The following NAV2 variants were observed in gnomAD, a reference collection of about 807,000 sequenced individuals.
NAV2 encodes neuron navigator 2, also known as helicase, APC down-regulated 1.
A neutral mutation model predicts 223.2 loss-of-function variants in NAV2; 54 were observed. The observed-to-expected ratio is 0.24, with a 90% confidence interval of 0.19 to 0.30. The LOEUF is 0.30. Ranked by LOEUF, NAV2 falls within the 10% of genes least tolerant of loss-of-function variation. The pLI, the probability that NAV2 is intolerant of heterozygous loss-of-function variation, is 1.00. For synonymous variants in NAV2, 1,279 were observed against 1,239.3 expected, an observed-to-expected ratio of 1.03 and a Z score of -0.67; for missense variants, 2,806 against 3,147.5, an observed-to-expected ratio of 0.89 and a Z score of 2.60.
intron 6 of NAV2, among the ~76,000 whole-genome samples, chr11:19,899,888 C>A (rs1434734678): frequency 6.6e-6 from 1 of 152,150 alleles, no homozygotes; most frequent in Non-Finnish European, 1.5e-5. Context: ...CTATGGAGGG[C>A]TTGTAGAGTG....
At chr11:19,420,548 C>T (rs1242980708) in intron 1 of NAV2, among the ~76,000 whole-genome samples, 2 of 152,192 alleles carry the variant, frequency 1.3e-5, no homozygotes, top group African/African-American at 2.4e-5. Flanking sequence ...TCTGTTTATA[C>T]AGTGGACTAC....
chr11:20,077,519 G>T (rs760601459), intron 22 of NAV2, 33 bp from the exon 23 acceptor site: 2 of 1,535,864 alleles, frequency 1.3e-6, no homozygotes, highest in Non-Finnish European at 1.8e-6. Flanking sequence ...GCCTTGCAAG[G>T]TAATATAACT....
chr11:19,741,437 A>C (rs1019668133), intron 1 of NAV2, among the ~76,000 whole-genome samples: 5 of 139,980 alleles, frequency 3.6e-5, no homozygotes, highest in African/African-American at 8.2e-5. Flanking sequence ...TCCCTCCCCC[A>C]CTTCAGGTAA....
intron 1 of NAV2, among the ~76,000 whole-genome samples, chr11:19,734,614 A>T (rs1000982245): frequency 6.6e-6 from 1 of 152,218 alleles, no homozygotes; most frequent in African/African-American, 2.4e-5. Context: ...TTGGCATTTT[A>T]ACAGAGACTT....
At chr11:19,839,795 G>T (rs1208822095) in intron 2 of NAV2, among the ~76,000 whole-genome samples, 1 of 152,248 alleles carries the variant, frequency 6.6e-6, no homozygotes. Flanking sequence ...CACCTTGCAT[G>T]CAGGCAGGTT....
intron 7 of NAV2, among the ~76,000 whole-genome samples, chr11:19,935,865 T>TTTTTTTG (rs2045840574): frequency 1.7e-5 from 2 of 116,106 alleles, no homozygotes; most frequent in Non-Finnish European, 1.8e-5. Context: ...TTTTTTTTTT[T>TTTTTTTG]TTTTTTTTTT....
chr11:19,617,634 A>G (rs1269958012), intron 1 of NAV2, among the ~76,000 whole-genome samples: 1 of 152,226 alleles, frequency 6.6e-6, no homozygotes, highest in Non-Finnish European at 1.5e-5. Context: ...TGCATGGTAA[A>G]GTGTGAGGGT....
At chr11:19,867,232 G>C (rs75445160) in intron 3 of NAV2, among the ~76,000 whole-genome samples, 1,751 of 152,268 alleles carry the variant, frequency 0.011, 25 homozygotes, top group African/African-American at 0.035. Context: ...CCAGTATTGT[G>C]TTTACTTTCC....
At chr11:19,879,347 C>T (rs1177904945) in intron 4 of NAV2, among the ~76,000 whole-genome samples, 1 of 152,138 alleles carries the variant, frequency 6.6e-6, no homozygotes, top group Non-Finnish European at 1.5e-5. Context: ...ATACCCACCC[C>T]AAATTAGAGT....
intron 1 of NAV2, among the ~76,000 whole-genome samples, chr11:19,400,729 G>A (rs1849648957): frequency 6.6e-6 from 1 of 152,100 alleles, no homozygotes; most frequent in South Asian, 2.1e-4. Flanking sequence ...TGACCCCTAG[G>A]GCCATGTAGG....
At chr11:20,005,989 G>A (rs1591630954) in intron 11 of NAV2, among the ~76,000 whole-genome samples, 1 of 152,004 alleles carries the variant, frequency 6.6e-6, no homozygotes, top group Middle Eastern at 3.4e-3. Flanking sequence ...AGTGGCTCAC[G>A]CCTGTAATCC....
intron 11 of NAV2, among the ~76,000 whole-genome samples, chr11:20,030,818 A>G (rs76298475): frequency 0.023 from 3,502 of 152,370 alleles, 59 homozygotes; most frequent in Non-Finnish European, 0.033. Flanking sequence ...AAAAGTCTCA[A>G]GTAAAAAATC....
intron 1 of NAV2, among the ~76,000 whole-genome samples, chr11:19,414,339 A>T (rs7948615): frequency 1.1e-4 from 17 of 152,188 alleles, no homozygotes; most frequent in African/African-American, 3.6e-4. Context: ...AGATCAAAAA[A>T]GAGAAAGAAG....
chr11:20,044,281 C>G lies in NAV2; in HGVS notation c.3199+9C>G. 6.2e-7 allele frequency: 1 copy of G among 1,600,748 alleles called. No individual in the cohort carries two copies. ...GAAGACCCCAGGAACTGGTAAGAGG[C>G]CGGGGCTGTCTTGGCCCTACAGTTG... On this transcript the variant is annotated intron_variant, in intron 13 of 37. Coordinates refer to ENST00000349880, the MANE Select transcript of NAV2 (RefSeq NM_145117.5).
chr11:19,849,713 C>T (rs1347061513), intron 3 of NAV2, among the ~76,000 whole-genome samples: 2 of 152,200 alleles, frequency 1.3e-5, no homozygotes, highest in Non-Finnish European at 2.9e-5. Flanking sequence ...TAAGGGCACA[C>T]ACATGTTGCA....
chr11:19,972,972 G>A (rs1388498998), intron 10 of NAV2, among the ~76,000 whole-genome samples: 1 of 152,168 alleles, frequency 6.6e-6, no homozygotes, highest in East Asian at 1.9e-4. Flanking sequence ...AGTGCTTCCA[G>A]AAATCTAGTT....
In NAV2 at chr11:19,386,768, G is replaced by A. The variant is rs142114014; in HGVS notation, c.75+35741G>A. 2.8e-3 allele frequency among the ~76,000 whole-genome samples: 433 copies of A among 152,184 alleles called. 3 individuals carry two copies. Among genetic ancestry groups the A allele is most frequent in the Admixed American group, 5.4e-3 (82 of 15,296 alleles). The stretch of plus-strand genomic sequence containing the variant: ...AACAAGCCCCTTATCTCTGTGACTC[G>A]AAAAGGCAATGGGTAAAGGGTAAAA... On this transcript the variant is annotated intron_variant, in intron 1 of 37. Transcript: ENST00000360655.
In NAV2 at chr11:19,980,956, T is replaced by C. The variant is rs779236158; in HGVS notation, c.2646-3169T>C. On this transcript the variant is annotated intron_variant, in intron 10 of 37. Transcript: ENST00000349880. ...ACAGAATTTATTTCAAAGAATATTG[T>C]TGTTTAAAAAACAGTTGAACATGTG... 5.3e-4 allele frequency among the ~76,000 whole-genome samples: 81 copies of C among 152,354 alleles called. 1 individual carries two copies. The highest frequency in any genetic ancestry group is 9.4e-4 in the Non-Finnish European group (64 of 68,030).
chr11:19,426,454 GA>G (rs539481129), intron 1 of NAV2, among the ~76,000 whole-genome samples: 4 of 152,044 alleles, frequency 2.6e-5, no homozygotes, highest in African/African-American at 4.8e-5. Context: ...CTTGGTTACA[GA>G]AAAAAAATAT....
Sources: allele counts gnomAD v4.1 joint callset (sites outside exome capture counted in the v4.1 genomes callset), GRCh38; gene constraint gnomAD v4.1.1; transcripts MANE v1.5; gene names NCBI Gene and HGNC (gene_info 2026-07-23, HGNC 2026-07-21).